The following PHF20 variants were observed in gnomAD, a reference collection of about 807,000 sequenced individuals.
PHF20 encodes the protein PHD finger protein 20.
In PHF20, 23 loss-of-function variants were observed where a neutral mutation model predicts 113.5. The ratio of observed to expected loss-of-function variants is 0.20; its 90% CI spans 0.15 to 0.29. The LOEUF (loss-of-function observed/expected upper bound fraction) is 0.29. Ranked by LOEUF, PHF20 falls within the 10% of genes least tolerant of loss-of-function variation. The pLI is 1.00. For missense variants in PHF20, 943 were observed against 1,219.6 expected, an observed-to-expected ratio of 0.77 and a Z score of 3.38; for synonymous variants, 434 against 457.3, an observed-to-expected ratio of 0.95 and a Z score of 0.65.
rs373555096 is a variant in PHF20 at position 35,840,318 on chromosome 20, G to T, written c.84-2255G>T. On this transcript the variant is annotated intron_variant, in intron 2 of 17. Transcript: ENST00000374012. ...AGTTGAAATAAAAAGGTATTATAAG[G>T]TATACTGCAAAAAGTCTCCCTCCTA... 2.0e-4 allele frequency among the ~76,000 whole-genome samples: 30 copies of T among 152,198 alleles called. No homozygotes were observed. In the South Asian group the frequency reaches 5.8e-3, roughly 29 times the overall value.
chr20:35,940,895 C>T lies in PHF20; in HGVS notation c.2744C>T (p.Pro915Leu). The T allele has an allele frequency of 6.2e-7, 1 of 1,613,836 alleles. No homozygotes were observed. Among genetic ancestry groups the T allele is most frequent in the Non-Finnish European group, 8.5e-7 (1 of 1,179,892 alleles). The stretch of plus-strand genomic sequence containing the variant: ...GAATATGTCTCCAAAAAGGCCCTAC[C>T]AGAAGAAGCCCCTGCTCGGAAGCTG... ...VKEYVSKKAL[P>L]EEAPARKLLD... is the part of the protein sequence containing the mutation. The change falls in exon 17 of 18, where the codon CCA becomes CTA. Residue 915 changes from proline to leucine, a missense_variant. Around this residue, in one of 3 missense-constraint regions of PHF20, gnomAD observed 349 missense variants for 412.3 expected, o/e 0.85. Coordinates refer to ENST00000374012, the MANE Select transcript of PHF20 (RefSeq NM_016436.5).
In PHF20 at chr20:35,846,359, G is replaced by A. The variant is rs528193303; in HGVS notation, c.256-991G>A. On this transcript the variant is annotated intron_variant, in intron 3 of 17. Transcript: ENST00000374012. ...ACACAGGCTAATTTTTGTATTTTTA[G>A]TAGAGACGGGGTTTCACCATGTTGG... Among the ~76,000 whole-genome samples the A allele has an allele frequency of 3.3e-5, 5 of 152,040 alleles. No individual in the cohort carries two copies. In the East Asian group the frequency reaches 9.7e-4, roughly 29 times the overall value.
At chr20:35,861,151 GT>G (rs200515259) in intron 5 of PHF20, among the ~76,000 whole-genome samples, 66 of 142,200 alleles carry the variant, frequency 4.6e-4, no homozygotes, top group South Asian at 2.9e-3. Flanking sequence ...AATAGATTGA[GT>G]TTTTTTTTTT....
chr20:35,852,602 C>CTTTTTT (rs60103732), intron 4 of PHF20, among the ~76,000 whole-genome samples: 1 of 144,834 alleles, frequency 6.9e-6, no homozygotes, highest in Non-Finnish European at 1.5e-5. Flanking sequence ...TTCAAGAAAA[C>CTTTTTT]TTTTTTTTTT....
intron 2 of PHF20, among the ~76,000 whole-genome samples, chr20:35,806,061 C>T (rs2041875588): frequency 6.6e-6 from 1 of 151,734 alleles, no homozygotes; most frequent in South Asian, 2.1e-4. Context: ...GACAGGGTTT[C>T]ACTGTGTTGG....
At chr20:35,857,562 C>CTTTTTT (rs56655276) in intron 4 of PHF20, among the ~76,000 whole-genome samples, 6 of 99,676 alleles carry the variant, frequency 6.0e-5, no homozygotes, top group South Asian at 8.3e-4. Flanking sequence ...AATGATGTTC[C>CTTTTTT]TTTTTTTTTT....
At chr20:35,779,645 G>T (rs1406751721) in intron 1 of PHF20, among the ~76,000 whole-genome samples, 2 of 151,804 alleles carry the variant, frequency 1.3e-5, no homozygotes, top group Non-Finnish European at 2.9e-5. Flanking sequence ...TCAGCCTCCT[G>T]AGTAGCTGGG....
chr20:35,871,712 G>A lies in PHF20; in HGVS notation c.1165G>A (p.Gly389Arg), dbSNP rs755722678. The A allele has an allele frequency of 6.2e-6, 10 of 1,613,712 alleles. No individual in the cohort carries two copies. Among genetic ancestry groups the A allele is most frequent in the Admixed American group, 3.3e-5 (2 of 59,970 alleles). Residue 389 changes from glycine to arginine, a missense_variant, in exon 9 of 18, where the codon GGG (glycine) becomes AGG (arginine). Gly to Arg is a moderately radical substitution (Grantham distance 125). Transcript: ENST00000374012. ...VSSALTCHSF[G>R]DGSGAAGLEL... The stretch of plus-strand genomic sequence containing the variant: ...ATCTGCACTGACTTGCCACTCCTTT[G>A]GGGATGGATCCGGGGCTGCAGGCTT...
At chr20:35,849,383 T>G in intron 4 of PHF20, 1 of 468,456 alleles carries the variant, frequency 2.1e-6, no homozygotes, top group South Asian at 1.6e-5. Context: ...CTTGGCATCA[T>G]GAAGTAAAAC....
intron 3 of PHF20, among the ~76,000 whole-genome samples, chr20:35,843,521 CAAAAAAAAAAA>C (rs766671833): frequency 1.9e-5 from 1 of 53,192 alleles, no homozygotes; most frequent in African/African-American, 7.0e-5. Flanking sequence ...TATTCCATCT[CAAAAAAAAAAA>C]AAAAAAAAAA....
At chr20:35,925,984 T>TG (rs1161430036) in intron 13 of PHF20, among the ~76,000 whole-genome samples, 2 of 151,312 alleles carry the variant, frequency 1.3e-5, no homozygotes, top group South Asian at 2.1e-4. Context: ...TAGCTGGGCA[T>TG]GGTGGCATGT....
rs780962137 is a variant in PHF20 at position 35,939,103 on chromosome 20, C to T, written c.2707C>T (p.Pro903Ser). 5 of 1,600,916 alleles carry T rather than the reference C, an allele frequency of 3.1e-6. No homozygotes were observed. In the African/African-American group the frequency reaches 4.0e-5, roughly 13 times the overall value. Residue 903 changes from proline to serine, a missense_variant, in exon 16 of 18, where the codon CCA becomes TCA. By Grantham distance (74) the Pro-to-Ser change is moderately conservative (BLOSUM62 -1). Transcript: ENST00000374012. Reference protein sequence around the residue: ...KGDSDPKPGSPKVKEYVSKKA... With the variant: ...KGDSDPKPGSSKVKEYVSKKA... ...GGACAGTGACCCCAAACCCGGCTCC[C>T]CAAAGGTATGTGGCTGCCTTGTACT...
At chr20:35,797,718 G>A (rs561015125) in intron 1 of PHF20, among the ~76,000 whole-genome samples, 129 of 146,300 alleles carry the variant, frequency 8.8e-4, no homozygotes, top group Non-Finnish European at 1.6e-3. Context: ...GTGGCACGAT[G>A]TCAACTCACT....
intron 2 of PHF20, among the ~76,000 whole-genome samples, chr20:35,812,257 A>G (rs181240492): frequency 5.3e-5 from 8 of 152,266 alleles, no homozygotes; most frequent in Admixed American, 4.6e-4. Context: ...TGTCCCTTAT[A>G]GTATTTTTCC....
intron 2 of PHF20, among the ~76,000 whole-genome samples, chr20:35,808,540 G>A (rs189051676): frequency 9.9e-5 from 15 of 151,704 alleles, no homozygotes; most frequent in African/African-American, 2.9e-4. Context: ...CTGGCCATGC[G>A]TATTTTCCCC....
At chr20:35,832,298 A>C (rs1347980696) in intron 2 of PHF20, among the ~76,000 whole-genome samples, 1 of 151,680 alleles carries the variant, frequency 6.6e-6, no homozygotes. Flanking sequence ...ATCTTACTCT[A>C]CCTTAAGGAG....
chr20:35,845,851 C>T (rs1224488734), intron 3 of PHF20, among the ~76,000 whole-genome samples: 1 of 148,896 alleles, frequency 6.7e-6, no homozygotes, highest in Admixed American at 6.8e-5. Context: ...GATCTTGACT[C>T]ACTGCAACCT....
At chr20:35,832,704 G>A (rs1454026221) in intron 2 of PHF20, among the ~76,000 whole-genome samples, 1 of 152,126 alleles carries the variant, frequency 6.6e-6, no homozygotes, top group Non-Finnish European at 1.5e-5. Context: ...ACTGTGTGTT[G>A]TAACGTAGGG....
chr20:35,775,243 A>G (rs2041147997), intron 1 of PHF20, among the ~76,000 whole-genome samples: 1 of 151,974 alleles, frequency 6.6e-6, no homozygotes, highest in Non-Finnish European at 1.5e-5. Context: ...TGCATTTCTG[A>G]TTTGCAGGTG....
Sources: gnomAD v4.1 joint callset for allele counts (sites outside exome capture counted in the v4.1 genomes callset) on GRCh38, gnomAD v4.1.1 for gene constraint, gnomAD v4.1.1 regional missense constraint, MANE v1.5 for transcripts, NCBI Gene and HGNC (gene_info 2026-07-23, HGNC 2026-07-21) for gene names.